Variants in PARP8 observed in about 807,000 individuals in gnomAD.
The protein encoded by PARP8 is protein mono-ADP-ribosyltransferase PARP8.
PARP8 carries 51 observed loss-of-function variants against 124.1 expected under a neutral mutation model. The observed-to-expected ratio is 0.41, with a 90% CI of 0.33 to 0.52. The LOEUF is 0.52. Among genes scored for constraint, PARP8 ranks in the 20% least tolerant of loss-of-function variants. The pLI is 0.21. For missense variants in PARP8, 860 were observed against 1,018.9 expected (o/e 0.84, Z 2.12); for synonymous variants, 391 against 361.5 (o/e 1.08, Z -0.93).
At chr5:50,696,990 C>T (rs570897464) in intron 2 of PARP8, among the ~76,000 whole-genome samples, 4 of 152,162 alleles carry the variant, frequency 2.6e-5, no homozygotes, top group Admixed American at 1.3e-4. Context: ...GAGTCTGTGC[C>T]GGGCGGGGTG....
rs146321224 is a variant in PARP8 at position 50,766,002 on chromosome 5, C to T, written c.518+2760C>T. Among the ~76,000 whole-genome samples, 80 of 151,820 alleles carry T rather than the reference C, an allele frequency of 5.3e-4. 1 individual carries two copies. Among genetic ancestry groups the T allele is most frequent in the African/African-American group, 1.6e-3 (65 of 41,376 alleles). The stretch of plus-strand genomic sequence containing the variant: ...GGAGTAATTTTTTTTTTTAAAGCAA[C>T]GTCTAATGAGAAAGGCAGCTAACCA... On this transcript the variant is annotated intron_variant, in intron 7 of 25. Coordinates refer to ENST00000281631, the MANE Select transcript of PARP8 (RefSeq NM_024615.4).
At chr5:50,820,028 C>T (rs568519960) in intron 15 of PARP8, among the ~76,000 whole-genome samples, 2 of 152,232 alleles carry the variant, frequency 1.3e-5, no homozygotes, top group Admixed American at 1.3e-4. Flanking sequence ...TGTTTCCATT[C>T]TAATGTTTTC....
rs558768871 is a variant in PARP8, at chr5:50,795,302, A to C, written c.1313A>C (p.Lys438Thr). 1.2e-6 allele frequency: 2 copies of C among 1,614,026 alleles called. No homozygotes were observed. The highest frequency in any genetic ancestry group is 1.3e-5 in the African/African-American group (1 of 74,920). The change falls in exon 12 of 26, where the codon AAG becomes ACG. Residue 438 changes from lysine (K) to threonine (T), a missense_variant. Around this residue, in one of 2 missense-constraint regions of PARP8, gnomAD observed 517 missense variants for 544.2 expected, o/e 0.95. Transcript: ENST00000281631. ...AGCAAGTCCTACTCCAGTGCCCCCA[A>C]GTCATCCAAAACTGAGCTTTTCAAG... ...LLSKSYSSAP[K>T]SSKTELFKEP...
At chr5:50,739,623 C>T (rs1301522107) in intron 2 of PARP8, among the ~76,000 whole-genome samples, 2 of 149,222 alleles carry the variant, frequency 1.3e-5, no homozygotes, top group Admixed American at 6.7e-5. Context: ...AGTCTGTGCT[C>T]TTTCTCCTGG....
At position 50,844,161 on chromosome 5, in the gene PARP8, A is replaced by G. The variant is rs145797892; in HGVS notation, c.*2093A>G. 2.0e-3 allele frequency: 299 copies of G among 151,974 alleles called. 3 individuals are homozygous for G. The highest frequency in any genetic ancestry group is 6.8e-3 in the African/African-American group (283 of 41,526). The allele number at this position is 151,974 out of a possible 1,614,324, so 9.4% of individuals were successfully genotyped here. A position where few individuals can be genotyped will look rare whatever the true frequency, so the allele number is the denominator to read the frequency against. ...AACTGTTCCTGTTGACTTAAGAATA[A>G]CAGTAGGTTCACCTATCTGAGGAAA... On this transcript the variant is annotated 3_prime_UTR_variant, in exon 26 of 26. Coordinates refer to ENST00000281631, the MANE Select transcript of PARP8 (RefSeq NM_024615.4).
intron 3 of PARP8, among the ~76,000 whole-genome samples, chr5:50,752,478 G>A (rs1255955670): frequency 1.3e-5 from 2 of 151,996 alleles, no homozygotes; most frequent in Non-Finnish European, 2.9e-5. Context: ...TTCTATGTTG[G>A]TGAAATGTCC....
intron 15 of PARP8, among the ~76,000 whole-genome samples, chr5:50,818,443 T>A (rs1161557993): frequency 6.6e-6 from 1 of 152,188 alleles, no homozygotes; most frequent in Non-Finnish European, 1.5e-5. Flanking sequence ...TTGGCCACGC[T>A]GGTCTTGAAC....
chr5:50,741,804 T>C (rs930921877), intron 2 of PARP8: 18 of 435,582 alleles, frequency 4.1e-5, no homozygotes, highest in African/African-American at 3.2e-4. Context: ...GTGTTTTCTT[T>C]TCTTTTCTTC....
intron 14 of PARP8, among the ~76,000 whole-genome samples, chr5:50,803,656 T>C (rs1461400537): frequency 6.6e-6 from 1 of 152,188 alleles, no homozygotes; most frequent in Non-Finnish European, 1.5e-5. Context: ...AGTTTATTTT[T>C]ATAAATTCTA....
At position 50,827,979 on chromosome 5, in the gene PARP8, T is replaced by C. The variant is rs766516418; in HGVS notation, c.2013T>C (p.Leu671=). The change falls in exon 20 of 26, where the codon CTT becomes CTC. Residue 671 remains leucine (L), a synonymous_variant. Coordinates refer to ENST00000281631, the MANE Select transcript of PARP8 (RefSeq NM_024615.4). ...TTATGCATACTCCACATCAGTTCCT[T>C]CTTCTCAGCAGTCCACCAGCCAAAG... ...LKFMHTPHQF[L]LLSSPPAKES... 6.2e-7 allele frequency: 1 copy of C among 1,613,766 alleles called. No individual in the cohort carries two copies. Among genetic ancestry groups the C allele is most frequent in the South Asian group, 1.1e-5 (1 of 91,072 alleles).
chr5:50,826,019 T>C (rs1746310296), intron 18 of PARP8, among the ~76,000 whole-genome samples: 1 of 152,162 alleles, frequency 6.6e-6, no homozygotes, highest in Non-Finnish European at 1.5e-5. Flanking sequence ...TAAATTTCCA[T>C]TGTAACCTTT....
intron 2 of PARP8, among the ~76,000 whole-genome samples, chr5:50,691,873 T>A (rs1260806274): frequency 6.6e-6 from 1 of 152,170 alleles, no homozygotes; most frequent in Non-Finnish European, 1.5e-5. Flanking sequence ...ACCTAAGATG[T>A]CTTCATCTCC....
At chr5:50,715,389 G>A (rs1207783804) in intron 2 of PARP8, among the ~76,000 whole-genome samples, 2 of 151,888 alleles carry the variant, frequency 1.3e-5, no homozygotes, top group Admixed American at 1.3e-4. Flanking sequence ...AACCGTTCTA[G>A]GAATTTATTT....
chr5:50,843,533 ATAAT>A lies in PARP8; in HGVS notation c.*1467_*1470del, dbSNP rs1240430617. 1 of 151,776 alleles carries A rather than the reference ATAAT, an allele frequency of 6.6e-6. No homozygotes were observed. Among genetic ancestry groups the A allele is most frequent in the Admixed American group, 6.6e-5 (1 of 15,174 alleles). The allele number at this position is 151,776 out of a possible 1,614,324, so 9.4% of individuals were successfully genotyped here. A position where few individuals can be genotyped will look rare whatever the true frequency, so the allele number is the denominator to read the frequency against. ...AATAATTTGTTTTGTTATATTGCAA[ATAAT>A]TGATATGCCACTTATTTCTGCAAGA... On this transcript the variant is annotated 3_prime_UTR_variant, in exon 26 of 26. Transcript: ENST00000281631.
chr5:50,807,713 A>T (rs1744014129), intron 14 of PARP8, among the ~76,000 whole-genome samples: 1 of 152,090 alleles, frequency 6.6e-6, no homozygotes, highest in South Asian at 2.1e-4. Context: ...CCATGTGGTT[A>T]TGTGAATAAC....
At chr5:50,703,575 C>G (rs1019875028) in intron 2 of PARP8, among the ~76,000 whole-genome samples, 4 of 152,030 alleles carry the variant, frequency 2.6e-5, no homozygotes, top group African/African-American at 9.7e-5. Flanking sequence ...GTATTTCAGC[C>G]TCTATTCTCG....
intron 3 of PARP8, 48 bp downstream of exon 3, chr5:50,750,236 G>T: frequency 6.8e-7 from 1 of 1,466,574 alleles, no homozygotes; most frequent in South Asian, 1.2e-5. Flanking sequence ...GGGTTCCTTT[G>T]AATATTTTTT....
Position 50,667,919 on chromosome 5 carries a change from G to T in PARP8, c.92-152G>T, listed in dbSNP as rs548311362. ...GTCGGGGGCGCGCCGCATCCCCTCG[G>T]ACGCGGCGCAGAGGGACCTCGCCGC... On this transcript the variant is annotated intron_variant, in intron 1 of 25. Transcript: ENST00000281631. 7.2e-6 allele frequency: 11 copies of T among 1,518,122 alleles called. No homozygotes were observed. In the African/African-American group the frequency reaches 1.5e-4, roughly 21 times the overall value. The allele number at this position is 1,518,122 out of a possible 1,614,324, so 94.0% of individuals were successfully genotyped here.
At chr5:50,760,144 C>G in intron 4 of PARP8, 148 bp from the exon 5 acceptor site, 1 of 767,590 alleles carries the variant, frequency 1.3e-6, no homozygotes, top group Non-Finnish European at 1.9e-6. Flanking sequence ...TGTAACTCCT[C>G]AACATGACAT....
Sources: allele counts gnomAD v4.1 joint callset (sites outside exome capture counted in the v4.1 genomes callset), GRCh38; gene constraint gnomAD v4.1.1; regional missense constraint gnomAD v4.1.1; transcripts MANE v1.5; gene names NCBI Gene and HGNC (gene_info 2026-07-23, HGNC 2026-07-21).